The following CORO7 variants were observed in gnomAD, a reference collection of about 807,000 sequenced individuals.
CORO7 encodes the protein coronin-7.
CORO7 carries 107 observed loss-of-function variants against 126.6 expected under a neutral mutation model. The observed-to-expected ratio is 0.85, with a 90% confidence interval of 0.72 to 0.99. The LOEUF (loss-of-function observed/expected upper bound fraction) is 0.99. Among genes scored for constraint, CORO7 ranks in the 50% least tolerant of loss-of-function variants. CORO7 has a pLI of 0.00. For synonymous variants in CORO7, 603 were observed against 536.8 expected, an observed-to-expected ratio of 1.12 and a Z score of -1.70; for missense variants, 1,314 against 1,255.8, an observed-to-expected ratio of 1.05 and a Z score of -0.70.
chr16:4,393,869 G>A (rs1358308066), intron 7 of CORO7, among the ~76,000 whole-genome samples: 1 of 152,184 alleles, frequency 6.6e-6, no homozygotes, highest in African/African-American at 2.4e-5. Context: ...GGCAGGCCGA[G>A]GAGGGTGGAT....
intron 2 of CORO7, chr16:4,412,638 C>T (rs970645550): frequency 1.7e-6 from 1 of 575,688 alleles, no homozygotes; most frequent in African/African-American, 1.9e-5. Flanking sequence ...CAGATGGATA[C>T]AGAAGACATT....
In CORO7 at chr16:4,412,358, G is replaced by T. The variant is rs1025661676; in HGVS notation, c.230C>A (p.Ser77Ter). 3.7e-6 allele frequency: 6 copies of T among 1,614,070 alleles called. No homozygotes were observed. The highest frequency in any genetic ancestry group is 5.1e-6 in the Non-Finnish European group (6 of 1,180,042). ...CCACTAGTCAGACACCCACTCACCT[G>T]AATGGCAGCCCAGGTGGGCCACGCG... ...KRRVAHLGCH[S>*]DLVTDLDFSP... is the part of the protein sequence containing the mutation. The change falls in exon 3 of 28, where the codon TCA becomes TAA. Residue 77 changes from serine (S) to a stop codon, truncating the protein, a stop_gained and splice_region_variant. Coordinates refer to ENST00000251166, the MANE Select transcript of CORO7 (RefSeq NM_024535.5). LOFTEE classifies it high-confidence loss of function.
intron 9 of CORO7, among the ~76,000 whole-genome samples, chr16:4,376,933 G>A (rs897672880): frequency 2.0e-5 from 3 of 152,192 alleles, no homozygotes; most frequent in African/African-American, 4.8e-5. Context: ...GGCAGGCAGA[G>A]TTCTGCGTTT....
At chr16:4,373,685 ACAAGTCC>A (rs1171551022) in intron 9 of CORO7, among the ~76,000 whole-genome samples, 2 of 152,116 alleles carry the variant, frequency 1.3e-5, no homozygotes, top group African/African-American at 2.4e-5. Flanking sequence ...GGGAGCTGGG[ACAAGTCC>A]CAAGTACAGA....
In CORO7 at chr16:4,362,902, G is replaced by T; in HGVS notation, c.1276-164C>A. The T allele has an allele frequency of 1.3e-6, 1 of 794,718 alleles. No homozygotes were observed. Among genetic ancestry groups the T allele is most frequent in the Non-Finnish European group, 1.7e-6 (1 of 586,320 alleles). The allele number at this position is 794,718 out of a possible 1,614,324, so 49.2% of individuals were successfully genotyped here. On this transcript the variant is annotated intron_variant, in intron 14 of 27. Transcript: ENST00000251166. This position sits in a 1 kb window ranked among gnomAD's most constrained non-coding sequence, Gnocchi z 5.3. ...GGCGGGGGGCACGGGCATAAACGCA[G>T]ACACACAGGGAAGCAGCCGAGCTTC...
rs538419530 is a variant in CORO7 at position 4,401,603 on chromosome 16, C to T, written c.564+3888G>A. ...AAGACAGAGACCAGAGAGAGAACAG[C>T]GAGGGACAGCAAGGGATGAGAGAGG... On this transcript the variant is annotated intron_variant, in intron 6 of 27. Transcript: ENST00000251166. 2.6e-5 allele frequency among the ~76,000 whole-genome samples: 4 copies of T among 152,052 alleles called. No individual in the cohort carries two copies. The East Asian group carries it at 7.7e-4, about 29-fold the overall frequency.
At chr16:4,389,159 C>T (rs1224652610) in intron 7 of CORO7, among the ~76,000 whole-genome samples, 1 of 152,194 alleles carries the variant, frequency 6.6e-6, no homozygotes, top group African/African-American at 2.4e-5. Flanking sequence ...ACTGTGGCTG[C>T]CCCAGGCAAG....
intron 9 of CORO7, chr16:4,383,368 A>T (rs2055073589): frequency 5.8e-6 from 1 of 172,980 alleles, no homozygotes; most frequent in South Asian, 2.0e-4. Context: ...CTTTAGGAAC[A>T]TGTTTTGCTT....
chr16:4,367,232 G>A (rs564431745), intron 9 of CORO7, among the ~76,000 whole-genome samples: 30 of 152,294 alleles, frequency 2.0e-4, no homozygotes, highest in African/African-American at 5.8e-4. Context: ...TTTGCATCCC[G>A]GCCTGACCAC....
At chr16:4,400,797 C>CAATAATAAT (rs373023916) in intron 6 of CORO7, among the ~76,000 whole-genome samples, 55,905 of 139,006 alleles carry the variant, frequency 0.4, 12,222 homozygotes, top group Non-Finnish European at 0.48. Flanking sequence ...TCCAGCAGTG[C>CAATAATAAT]AATAATAATA....
At position 4,382,380 on chromosome 16, in the gene CORO7, A is replaced by C. The variant is rs774853515; in HGVS notation, c.785+5606T>G. ...GCCTCCGTCTCACCTATCGCAACCTATCGGGCCCTGATAAGCGGCTGGTGA... is the reference window on the plus strand; with the variant it reads ...GCCTCCGTCTCACCTATCGCAACCTCTCGGGCCCTGATAAGCGGCTGGTGA... On this transcript the variant is annotated intron_variant, in intron 9 of 27. Transcript: ENST00000251166. The C allele has an allele frequency of 6.8e-6, 11 of 1,612,188 alleles. No homozygotes were observed. In the South Asian group the frequency reaches 7.7e-5, roughly 11 times the overall value.
rs188003154 is a variant in CORO7 at position 4,359,516 on chromosome 16, G to A, written c.2214C>T (p.Tyr738=). The change falls in exon 22 of 28, where the codon TAC becomes TAT. Residue 738 remains tyrosine (Y), a synonymous_variant. Coordinates refer to ENST00000251166, the MANE Select transcript of CORO7 (RefSeq NM_024535.5). ...DVAPSTLLPS[Y]DPDTGLVLLT... ...GGAGCACCAGGCCAGTGTCTGGGTC[G>A]TAGCTGGGCAGCAGGGTTGAGGGAG... The A allele has an allele frequency of 2.0e-5, 32 of 1,613,432 alleles. No individual in the cohort carries two copies. Among genetic ancestry groups the A allele is most frequent in the South Asian group, 5.5e-5 (5 of 91,076 alleles).
At position 4,362,271 on chromosome 16, in the gene CORO7, T is replaced by C; in HGVS notation, c.1403-111A>G. On this transcript the variant is annotated intron_variant, in intron 15 of 27. Coordinates refer to ENST00000251166, the MANE Select transcript of CORO7 (RefSeq NM_024535.5). This position sits in a 1 kb window ranked among gnomAD's most constrained non-coding sequence, Gnocchi z 5.3. ...CCTCACCCCAGGTGGATGTACAGCA[T>C]GGACCTAGGCCCAGGCCTTTGCTAA... 7.0e-7 allele frequency: 1 copy of C among 1,428,742 alleles called. No homozygotes were observed. Among genetic ancestry groups the C allele is most frequent in the South Asian group, 1.4e-5 (1 of 70,698 alleles). The allele number at this position is 1,428,742 out of a possible 1,614,324, so 88.5% of individuals were successfully genotyped here. A position where few individuals can be genotyped will look rare whatever the true frequency, so the allele number is the denominator to read the frequency against.
intron 6 of CORO7, among the ~76,000 whole-genome samples, chr16:4,402,486 A>C (rs1309620002): frequency 6.7e-6 from 1 of 149,976 alleles, no homozygotes; most frequent in Non-Finnish European, 1.5e-5. Context: ...GGCTCAAGTG[A>C]TCCTCCCACC....
chr16:4,365,505 C>G lies in CORO7; in HGVS notation c.826G>C (p.Val276Leu). 3 of 1,576,438 alleles carry G rather than the reference C, an allele frequency of 1.9e-6. No homozygotes were observed. The highest frequency in any genetic ancestry group is 2.6e-6 in the Non-Finnish European group (3 of 1,161,362). The change falls in exon 10 of 28, where the codon GTC becomes CTC. Residue 276 changes from valine (V) to leucine (L), a missense_variant. By Grantham distance (32) the Val-to-Leu change is conservative. Transcript: ENST00000251166. The part of the protein sequence containing the change: ...PLLDPDSGLL[V>L]LAGKGERQLY... ...TTCTCACTCACCTTTCCTGCCAGGA[C>G]CAGGAGCCCAGAGTCAGGGTCCAGC...
At chr16:4,392,673 GAGA>G (rs1720580603) in intron 7 of CORO7, among the ~76,000 whole-genome samples, 1 of 152,238 alleles carries the variant, frequency 6.6e-6, no homozygotes, top group Non-Finnish European at 1.5e-5. Flanking sequence ...AGGATTGCCA[GAGA>G]AGGAGCTCCC....
At chr16:4,367,748 G>T (rs1846479897) in intron 9 of CORO7, among the ~76,000 whole-genome samples, 1 of 152,112 alleles carries the variant, frequency 6.6e-6, no homozygotes, top group African/African-American at 2.4e-5. Context: ...GGAACAAGAT[G>T]GACAATGTGC....
At chr16:4,358,970 T>C in intron 23 of CORO7, 1 of 408,420 alleles carries the variant, frequency 2.4e-6, no homozygotes, top group South Asian at 3.8e-5. Flanking sequence ...AGAGATGGGG[T>C]CTTGCTATGT....
At position 4,360,967 on chromosome 16, in the gene CORO7, C is replaced by T. The variant is rs369621882; in HGVS notation, c.1893G>A (p.Leu631=). Residue 631 remains leucine (L), a synonymous_variant, in exon 19 of 28, where the codon CTG becomes CTA. Transcript: ENST00000251166. Reference sequence around the variant, plus strand: ...CCTGGTCTTGGTGGCCCTGCAGCTTCAGCCGATCAGCTCCAGCCTGAAGGT... The same window carrying T: ...CCTGGTCTTGGTGGCCCTGCAGCTTTAGCCGATCAGCTCCAGCCTGAAGGT... The part of the protein sequence containing the change: ...IWDLQAGADR[L]KLQGHQDQIF... 3.0e-5 allele frequency: 49 copies of T among 1,612,138 alleles called. No individual in the cohort carries two copies. The highest frequency in any genetic ancestry group is 5.1e-6 in the Non-Finnish European group (6 of 1,180,008).
Sources: gnomAD v4.1 joint callset for allele counts (sites outside exome capture counted in the v4.1 genomes callset) on GRCh38, gnomAD v4.1.1 for gene constraint, Gnocchi (gnomAD v3.1) non-coding constraint, MANE v1.5 for transcripts, NCBI Gene and HGNC (gene_info 2026-07-23, HGNC 2026-07-21) for gene names.